FXYD2: variants seen among roughly 807,000 people sequenced by gnomAD.
FXYD2 encodes the protein sodium/potassium-transporting ATPase subunit gamma.
FXYD2 carries 8 observed loss-of-function variants against 11.8 expected under a neutral mutation model. The ratio of observed to expected loss-of-function variants is 0.68; its 90% CI spans 0.40 to 1.22. The LOEUF is 1.22. FXYD2 is among the 50% of genes most tolerant of loss of function. The probability of loss-of-function intolerance (pLI) is 0.01; values close to 1 mark genes in which losing one functional copy is unlikely to be tolerated. For missense variants in FXYD2, 92 were observed against 91.8 expected (o/e 1.00, Z -0.01); for synonymous variants, 42 against 33.3 (o/e 1.26, Z -0.90).
At chr11:117,826,778 G>GTCTATCTGTCTGTCTGTCTATCTATCTA (rs1555040290), upstream of FXYD2, among the ~76,000 whole-genome samples, 7 of 125,876 alleles carry the variant, frequency 5.6e-5, no homozygotes, top group South Asian at 2.8e-4. Flanking sequence ...CTGTCTGTCT[G>GTCTATCTGTCTGTCTGTCTATCTATCTA]TCTATCTATC....
rs1404934447 is a variant in FXYD2, at chr11:117,824,209, T to C, written c.25+445A>G. 1 of 232,378 alleles carries C rather than the reference T, an allele frequency of 4.3e-6. No homozygotes were observed. Among genetic ancestry groups the C allele is most frequent in the South Asian group, 7.0e-5 (1 of 14,380 alleles). 14.4% of individuals were successfully genotyped at this position (232,378 alleles called of 1,614,324 possible). A position where few individuals can be genotyped will look rare whatever the true frequency, so the allele number is the denominator to read the frequency against. Reference sequence around the variant, plus strand: ...TGGTTTCCAGGCCTGAGTCAGTTCCTGTGACAGGAAGCCTTTGGAGAGTGT... The same window carrying C: ...TGGTTTCCAGGCCTGAGTCAGTTCCCGTGACAGGAAGCCTTTGGAGAGTGT... On this transcript the variant is annotated intron_variant, in intron 1 of 5. Transcript: ENST00000292079. The surrounding 1 kb of genome is among the most constrained non-coding windows in gnomAD (Gnocchi z 4.0).
At chr11:117,820,758 C>G (rs2055880463) in intron 4 of FXYD2, 62 bp from the exon 5 acceptor site, 1 of 1,613,354 alleles carries the variant, frequency 6.2e-7, no homozygotes, top group Non-Finnish European at 8.5e-7. Context: ...CTAGGGATCT[C>G]TGAGGCTGGG....
chr11:117,822,627 G>T lies in FXYD2; in HGVS notation c.64+52C>A, dbSNP rs1197236057. 2 of 1,598,214 alleles carry T rather than the reference G, an allele frequency of 1.3e-6. No individual in the cohort carries two copies. Among genetic ancestry groups the T allele is most frequent in the Admixed American group, 1.8e-5 (1 of 56,474 alleles). ...CTGGGGCTGGGAGAGGCCGCTGCTT[G>T]GTGGAAGGGGTCCTGAGGGCTCAGG... On this transcript the variant is annotated intron_variant, in intron 2 of 5. Transcript: ENST00000292079. This position sits in a 1 kb window ranked among gnomAD's most constrained non-coding sequence, Gnocchi z 4.7.
intron 3 of FXYD2, 109 bp from the exon 4 acceptor site, chr11:117,821,004 G>C (rs61903773): frequency 6.7e-7 from 1 of 1,500,496 alleles, no homozygotes; most frequent in South Asian, 1.1e-5. Context: ...CAGTATCATC[G>C]CAGGGTCAGG....
intron 1 of FXYD2, among the ~76,000 whole-genome samples, chr11:117,823,267 TTAATA>T (rs1050736198): frequency 1.3e-5 from 2 of 152,186 alleles, no homozygotes; most frequent in African/African-American, 4.8e-5. Flanking sequence ...TTAAGAAACA[TTAATA>T]TATAGTGCTG....
upstream of FXYD2, among the ~76,000 whole-genome samples, chr11:117,827,085 G>GAGAT (rs61369941): frequency 8.8e-3 from 1,216 of 138,578 alleles, 9 homozygotes; most frequent in Admixed American, 0.014. Flanking sequence ...GATAAATAGA[G>GAGAT]AGATAGATAG....
At chr11:117,826,284 C>T (rs573069773), upstream of FXYD2, among the ~76,000 whole-genome samples, 2 of 152,304 alleles carry the variant, frequency 1.3e-5, no homozygotes, top group East Asian at 3.9e-4. Flanking sequence ...CGCTGCAATA[C>T]CCGTTCAGCT....
rs2055988192 is a variant in FXYD2 at position 117,824,326 on chromosome 11, G to C, written c.25+328C>G. 1 of 470,198 alleles carries C rather than the reference G, an allele frequency of 2.1e-6. No individual in the cohort carries two copies. The highest frequency in any genetic ancestry group is 3.9e-6 in the Non-Finnish European group (1 of 257,242). 29.1% of individuals were successfully genotyped at this position (470,198 alleles called of 1,614,324 possible). ...TTCCCCAGCCAGATGGACGCCGTCT[G>C]CCTCCCGCCCAAGTTCAGACGGTCT... is the stretch of plus-strand genomic sequence containing the variant. On this transcript the variant is annotated intron_variant, in intron 1 of 5. Coordinates refer to ENST00000292079, the MANE Select transcript of FXYD2 (RefSeq NM_001680.5). This position sits in a 1 kb window ranked among gnomAD's most constrained non-coding sequence, Gnocchi z 4.0.
Position 117,824,643 on chromosome 11 carries a change from A to G in FXYD2, c.25+11T>C. 6.2e-6 allele frequency: 10 copies of G among 1,612,572 alleles called. No individual in the cohort carries two copies. Among genetic ancestry groups the G allele is most frequent in the Non-Finnish European group, 8.5e-6 (10 of 1,178,696 alleles). On this transcript the variant is annotated intron_variant, in intron 1 of 5. Coordinates refer to ENST00000292079, the MANE Select transcript of FXYD2 (RefSeq NM_001680.5). The surrounding 1 kb of genome is among the most constrained non-coding windows in gnomAD (Gnocchi z 4.0). ...TTGCACACGCCCGGGCACGCACACC[A>G]GCACACTCACCACCGTCCATCGACA...
chr11:117,827,748 G>C (rs1168526170), upstream of FXYD2, among the ~76,000 whole-genome samples: 1 of 152,222 alleles, frequency 6.6e-6, no homozygotes, highest in Admixed American at 6.5e-5. Flanking sequence ...GGGACGGATG[G>C]ACAGACAAGT....
At chr11:117,820,963 A>G in intron 3 of FXYD2, 68 bp from the exon 4 acceptor site, 1 of 1,612,678 alleles carries the variant, frequency 6.2e-7, no homozygotes, top group Non-Finnish European at 8.5e-7. Context: ...AAGACTCAAA[A>G]TTCTTCCAGT....
At chr11:117,826,778 G>GTCTGTCTGTCTATCTA (rs1344802450), upstream of FXYD2, among the ~76,000 whole-genome samples, 335 of 125,854 alleles carry the variant, frequency 2.7e-3, no homozygotes, top group Middle Eastern at 8.8e-3. Flanking sequence ...CTGTCTGTCT[G>GTCTGTCTGTCTATCTA]TCTATCTATC....
chr11:117,820,874 C>T lies in FXYD2; in HGVS notation c.161G>A (p.Gly54Asp), dbSNP rs766075198. 111 of 1,613,546 alleles carry T rather than the reference C, an allele frequency of 6.9e-5. No homozygotes were observed. Among genetic ancestry groups the T allele is most frequent in the Non-Finnish European group, 9.2e-5 (108 of 1,179,964 alleles). The change falls in exon 4 of 6, where the codon GGC (glycine) becomes GAC (aspartate). Residue 54 changes from glycine to aspartate, a missense_variant. By Grantham distance (94) the Gly-to-Asp change is moderately conservative (BLOSUM62 -1). Coordinates refer to ENST00000292079, the MANE Select transcript of FXYD2 (RefSeq NM_001680.5). ...CAGCGCTCACCTGCGCTTCTTATTG[C>T]CCCCACAGCGGAATCTTCTGCCTTG... The part of the protein sequence containing the change: ...ILLSRRFRCG[G>D]NKKRRQINED...
At chr11:117,826,192 A>G (rs150844223), upstream of FXYD2, among the ~76,000 whole-genome samples, 239 of 152,310 alleles carry the variant, frequency 1.6e-3, no homozygotes, top group African/African-American at 5.5e-3. Context: ...TTGCTGTTGG[A>G]CATGGAAAAG....
intron 3 of FXYD2, chr11:117,821,449 C>T (rs749581976): frequency 8.4e-5 from 83 of 986,608 alleles, no homozygotes; most frequent in Non-Finnish European, 9.6e-5. Flanking sequence ...AGCAGATCCA[C>T]GGTGGTCTGT....
chr11:117,820,437 CT>C, intron 5 of FXYD2, 65 bp from the exon 6 acceptor site: 1 of 585,216 alleles, frequency 1.7e-6, no homozygotes, highest in Non-Finnish European at 3.0e-6. Flanking sequence ...TTACTTCCCC[CT>C]TGTCCATCTC....
chr11:117,827,411 G>A (rs557680312), upstream of FXYD2, among the ~76,000 whole-genome samples: 7 of 152,192 alleles, frequency 4.6e-5, no homozygotes, highest in East Asian at 7.7e-4. Flanking sequence ...CACCAAGCCT[G>A]GCTAGTTTTG....
chr11:117,826,197 GA>G (rs2056032748), upstream of FXYD2, among the ~76,000 whole-genome samples: 3 of 152,220 alleles, frequency 2.0e-5, no homozygotes, highest in Admixed American at 2.0e-4. Flanking sequence ...GTTGGACATG[GA>G]AAAGCCAGCC....
At chr11:117,821,750 A>G in intron 3 of FXYD2, 2 of 985,984 alleles carry the variant, frequency 2.0e-6, no homozygotes, top group Non-Finnish European at 1.2e-6. Context: ...AAATGGGGAG[A>G]CCCGCAGGAC....
Sources: allele counts gnomAD v4.1 joint callset (sites outside exome capture counted in the v4.1 genomes callset), GRCh38; gene constraint gnomAD v4.1.1; non-coding constraint Gnocchi (gnomAD v3.1); transcripts MANE v1.5; gene names NCBI Gene and HGNC (gene_info 2026-07-23, HGNC 2026-07-21).